Variants in PLCB1 observed in about 807,000 individuals in gnomAD.
The protein encoded by PLCB1 is 1-phosphatidylinositol 4,5-bisphosphate phosphodiesterase beta-1.
PLCB1 carries 46 observed loss-of-function variants against 161.8 expected under a neutral mutation model. That is an observed-to-expected ratio of 0.28 (90% CI 0.22 to 0.36). The LOEUF (loss-of-function observed/expected upper bound fraction) is 0.36. Ranked by LOEUF, PLCB1 falls within the 10% of genes least tolerant of loss-of-function variation. The pLI is 1.00. For synonymous variants in PLCB1, 517 were observed against 503.7 expected, an observed-to-expected ratio of 1.03 and a Z score of -0.35; for missense variants, 1,016 against 1,472.5, an observed-to-expected ratio of 0.69 and a Z score of 5.07.
chr20:8,760,421 C>T lies in PLCB1; in HGVS notation c.2671C>T (p.Pro891Ser), dbSNP rs1981960079. ...SQPAPGSVKA[P>S]AKTEDLIQSV... is the part of the protein sequence containing the mutation. ...TTATATTACAGGTTCTGTAAAGGCA[C>T]CTGCCAAAACAGAAGATCTTATTCA... The change falls in exon 25 of 32, where the codon CCT (proline) becomes TCT (serine). Residue 891 changes from proline (P) to serine (S), a missense_variant. Coordinates refer to ENST00000338037, the MANE Select transcript of PLCB1 (RefSeq NM_015192.4). The T allele has an allele frequency of 6.2e-7, 1 of 1,609,086 alleles. No individual in the cohort carries two copies. The highest frequency in any genetic ancestry group is 8.5e-7 in the Non-Finnish European group (1 of 1,175,886).
chr20:8,450,072 A>G lies in PLCB1; in HGVS notation c.246+78622A>G, dbSNP rs535271331. 6.6e-5 allele frequency among the ~76,000 whole-genome samples: 10 copies of G among 152,322 alleles called. No homozygotes were observed. The East Asian group carries it at 1.4e-3, about 21-fold the overall frequency. On this transcript the variant is annotated intron_variant, in intron 3 of 31. Transcript: ENST00000338037. The stretch of plus-strand genomic sequence containing the variant: ...AAAATAAGAGAAATCTCTACCACAC[A>G]TTAGCATGACCCCGTTGAAGTCTTC...
At chr20:8,881,004 T>A (rs1970355079) in intron 31 of PLCB1, 1 of 156,638 alleles carries the variant, frequency 6.4e-6, no homozygotes, top group Admixed American at 6.2e-5. Flanking sequence ...GTAGGTGGGA[T>A]CACAGGTGCA....
At chr20:8,320,905 AAAGAAGAAGAG>A (rs1984887732) in intron 2 of PLCB1, among the ~76,000 whole-genome samples, 1 of 151,486 alleles carries the variant, frequency 6.6e-6, no homozygotes, top group South Asian at 2.1e-4. Context: ...GAGAAGAAGA[AAAGAAGAAGAG>A]GAAGAAGAGG....
At chr20:8,849,000 A>G (rs1305226105) in intron 31 of PLCB1, among the ~76,000 whole-genome samples, 1 of 152,176 alleles carries the variant, frequency 6.6e-6, no homozygotes, top group Non-Finnish European at 1.5e-5. Context: ...GGGGCTTGGA[A>G]GCCAAACACT....
At chr20:8,504,607 G>A (rs1242730992) in intron 3 of PLCB1, among the ~76,000 whole-genome samples, 1 of 151,866 alleles carries the variant, frequency 6.6e-6, no homozygotes, top group African/African-American at 2.4e-5. Flanking sequence ...CTTTGTTCTT[G>A]TTTTCTTCCC....
chr20:8,658,763 C>A, intron 9 of PLCB1, 59 bp downstream of exon 9: 9 of 1,407,256 alleles, frequency 6.4e-6, no homozygotes, highest in Non-Finnish European at 8.7e-6. Flanking sequence ...GGTAGTCACA[C>A]GCTGGGAGTT....
At chr20:8,177,534 G>C (rs1469667967) in intron 2 of PLCB1, among the ~76,000 whole-genome samples, 1 of 151,980 alleles carries the variant, frequency 6.6e-6, no homozygotes, top group East Asian at 1.9e-4. Context: ...ATTCTAGGCT[G>C]CTACTCCCTC....
In PLCB1 at chr20:8,248,248, A is replaced by G. The variant is rs145614930; in HGVS notation, c.177+97877A>G. On this transcript the variant is annotated intron_variant, in intron 2 of 31. Coordinates refer to ENST00000338037, the MANE Select transcript of PLCB1 (RefSeq NM_015192.4). ...CTGGAGGCAAGGTAGCTTGGCTTTT[A>G]CATTCCTTCATCCATCTGTCACTGG... Among the ~76,000 whole-genome samples, 729 of 152,026 alleles carry G rather than the reference A, an allele frequency of 4.8e-3. 6 individuals are homozygous for G. The highest frequency in any genetic ancestry group is 0.017 in the African/African-American group (699 of 41,528).
At chr20:8,270,720 G>C (rs1490364329) in intron 2 of PLCB1, among the ~76,000 whole-genome samples, 1 of 152,066 alleles carries the variant, frequency 6.6e-6, no homozygotes, top group South Asian at 2.1e-4. Context: ...TTATTCTTTA[G>C]TGTGTGTTTA....
At chr20:8,179,772 A>T in intron 2 of PLCB1, among the ~76,000 whole-genome samples, 1 of 139,560 alleles carries the variant, frequency 7.2e-6, no homozygotes, top group Non-Finnish European at 1.5e-5. Flanking sequence ...TCAGTATAAT[A>T]TTGACTGTGG....
intron 2 of PLCB1, among the ~76,000 whole-genome samples, chr20:8,228,588 G>A (rs1232008610): frequency 6.6e-6 from 1 of 152,014 alleles, no homozygotes; most frequent in Non-Finnish European, 1.5e-5. Flanking sequence ...GCTCACTGCA[G>A]CCTTGACCTC....
At chr20:8,606,514 A>T (rs540694741) in intron 3 of PLCB1, among the ~76,000 whole-genome samples, 1 of 152,294 alleles carries the variant, frequency 6.6e-6, no homozygotes, top group Non-Finnish European at 1.5e-5. Context: ...TAGTATGATT[A>T]CAATTATTAT....
chr20:8,145,190 G>A (rs1381099300), intron 1 of PLCB1, among the ~76,000 whole-genome samples: 3 of 152,196 alleles, frequency 2.0e-5, no homozygotes, highest in Non-Finnish European at 4.4e-5. Flanking sequence ...AGGGAAGGAT[G>A]TGTGCCAGGC....
At chr20:8,864,579 G>T (rs1009917295) in intron 31 of PLCB1, among the ~76,000 whole-genome samples, 1 of 152,128 alleles carries the variant, frequency 6.6e-6, no homozygotes, top group Non-Finnish European at 1.5e-5. Context: ...TGAGGGAGAG[G>T]AGGCCACAAA....
At chr20:8,674,007 C>G (rs1469336730) in intron 9 of PLCB1, among the ~76,000 whole-genome samples, 1 of 152,116 alleles carries the variant, frequency 6.6e-6, no homozygotes, top group Non-Finnish European at 1.5e-5. Flanking sequence ...AAGCAGTCCT[C>G]AAACAGTGAC....
At chr20:8,761,253 A>C (rs1291980947) in intron 25 of PLCB1, among the ~76,000 whole-genome samples, 1 of 152,140 alleles carries the variant, frequency 6.6e-6, no homozygotes, top group Non-Finnish European at 1.5e-5. Context: ...CAAAGACAAA[A>C]CTAATCTGTG....
chr20:8,761,980 G>GGGC (rs1222187419), intron 25 of PLCB1, among the ~76,000 whole-genome samples: 2 of 151,690 alleles, frequency 1.3e-5, no homozygotes, highest in Admixed American at 1.3e-4. Flanking sequence ...AGGCCAAGGG[G>GGGC]GGGGCGGATC....
rs1979717439 is a variant in PLCB1 at position 8,722,737 on chromosome 20, C to T, written c.1581+316C>T. Among the ~76,000 whole-genome samples, 4 of 152,156 alleles carry T rather than the reference C, an allele frequency of 2.6e-5. No individual in the cohort carries two copies. The South Asian group carries it at 6.2e-4, about 24-fold the overall frequency. On this transcript the variant is annotated intron_variant, in intron 15 of 31. Coordinates refer to ENST00000338037, the MANE Select transcript of PLCB1 (RefSeq NM_015192.4). ...CTCAAAAATATTAATTGCACAGAACCTAGAAGAGAATCAGAAGCAGATCAA... is the reference window on the plus strand; with the variant it reads ...CTCAAAAATATTAATTGCACAGAACTTAGAAGAGAATCAGAAGCAGATCAA...
At chr20:8,745,970 C>T (rs994406955) in intron 23 of PLCB1, among the ~76,000 whole-genome samples, 1 of 152,188 alleles carries the variant, frequency 6.6e-6, no homozygotes, top group African/African-American at 2.4e-5. Flanking sequence ...CTCGCTCTGT[C>T]GTCCAGGCTG....
Sources: gnomAD v4.1 joint callset for allele counts (sites outside exome capture counted in the v4.1 genomes callset) on GRCh38, gnomAD v4.1.1 for gene constraint, MANE v1.5 for transcripts, NCBI Gene and HGNC (gene_info 2026-07-23, HGNC 2026-07-21) for gene names.